NRP2: variants seen among roughly 807,000 people sequenced by gnomAD.
NRP2 encodes neuropilin 2.
A neutral mutation model predicts 110.4 loss-of-function variants in NRP2; 52 were observed. That is an observed-to-expected ratio of 0.47 (90% CI 0.38 to 0.59). The LOEUF (loss-of-function observed/expected upper bound fraction) is 0.59. Ranked by LOEUF, NRP2 falls within the 20% of genes least tolerant of loss-of-function variation. The probability of loss-of-function intolerance (pLI) is 0.00; values close to 1 mark genes in which losing one functional copy is unlikely to be tolerated. For missense variants in NRP2, 1,049 were observed against 1,203.0 expected (o/e 0.87, Z 1.89); for synonymous variants, 508 against 468.9 (o/e 1.08, Z -1.08).
At chr2:205,724,621 G>T (rs2105817551) in intron 5 of NRP2, among the ~76,000 whole-genome samples, 1 of 146,330 alleles carries the variant, frequency 6.8e-6, no homozygotes, top group Middle Eastern at 3.5e-3. Flanking sequence ...TTTCAAATAT[G>T]CTGCCATTTC....
At chr2:205,690,002 G>A (rs1486877116) in intron 1 of NRP2, among the ~76,000 whole-genome samples, 1 of 152,224 alleles carries the variant, frequency 6.6e-6, no homozygotes, top group Non-Finnish European at 1.5e-5. Flanking sequence ...CAAAAGAGAA[G>A]CTCTCGGTAG....
chr2:205,784,842 G>A (rs2058218465), intron 15 of NRP2, among the ~76,000 whole-genome samples: 1 of 152,080 alleles, frequency 6.6e-6, no homozygotes, highest in Admixed American at 6.5e-5. Flanking sequence ...AAAAAGCATG[G>A]GTCAGATTCC....
intron 7 of NRP2, among the ~76,000 whole-genome samples, chr2:205,732,470 C>T (rs1389599210): frequency 2.0e-5 from 3 of 152,226 alleles, no homozygotes. Context: ...TCTTCTTAAA[C>T]AGGGCACCGT....
intron 12 of NRP2, among the ~76,000 whole-genome samples, chr2:205,753,669 G>A (rs1253933323): frequency 3.3e-5 from 5 of 152,186 alleles, no homozygotes; most frequent in African/African-American, 7.2e-5. Flanking sequence ...CTGCTGTTAC[G>A]TGCTTTCACA....
At chr2:205,787,714 GTGTC>G (rs2058250151) in intron 15 of NRP2, among the ~76,000 whole-genome samples, 3 of 78,482 alleles carry the variant, frequency 3.8e-5, no homozygotes, top group African/African-American at 1.4e-4. Flanking sequence ...ATAAAAAAAA[GTGTC>G]TGTGTGTGTG....
chr2:205,741,152 C>T (rs1198703118), intron 8 of NRP2, among the ~76,000 whole-genome samples: 1 of 152,208 alleles, frequency 6.6e-6, no homozygotes, highest in African/African-American at 2.4e-5. Context: ...GCACAACAGA[C>T]TGTTCTGTGT....
In NRP2 at chr2:205,792,228, A is replaced by G; in HGVS notation, c.2426-7A>G. The G allele has an allele frequency of 1.3e-6, 2 of 1,568,140 alleles. No homozygotes were observed. Among genetic ancestry groups the G allele is most frequent in the Non-Finnish European group, 1.8e-6 (2 of 1,138,190 alleles). ...ATTAACTTGTTTTTATTTTCTTTATATTATAGTGGACATCCCAGAAATACA... is the reference window on the plus strand; with the variant it reads ...ATTAACTTGTTTTTATTTTCTTTATGTTATAGTGGACATCCCAGAAATACA... On this transcript the variant is annotated splice_region_variant and splice_polypyrimidine_tract_variant and intron_variant, in intron 15 of 16. Coordinates refer to ENST00000357785, the MANE Select transcript of NRP2 (RefSeq NM_003872.3).
intron 3 of NRP2, among the ~76,000 whole-genome samples, chr2:205,716,765 A>G (rs1382558160): frequency 6.6e-6 from 1 of 152,192 alleles, no homozygotes; most frequent in Non-Finnish European, 1.5e-5. Flanking sequence ...TTGGAACTAC[A>G]TGGGGCTGAG....
intron 10 of NRP2, 121 bp downstream of exon 10, chr2:205,746,011 AC>A: frequency 1.8e-6 from 2 of 1,125,052 alleles, no homozygotes; most frequent in Non-Finnish European, 2.6e-6. Context: ...AATGCTGCAG[AC>A]CCCTGCCATG....
chr2:205,704,513 G>A (rs551846720), intron 2 of NRP2, among the ~76,000 whole-genome samples: 17 of 152,254 alleles, frequency 1.1e-4, no homozygotes, highest in African/African-American at 3.9e-4. Context: ...CCACCTCCAG[G>A]TACGTGGTGG....
At chr2:205,705,087 C>G (rs531187828) in intron 2 of NRP2, among the ~76,000 whole-genome samples, 1 of 151,514 alleles carries the variant, frequency 6.6e-6, no homozygotes, top group South Asian at 2.1e-4. Context: ...TTGTTTTGTC[C>G]TTTTTACTGG....
intron 2 of NRP2, among the ~76,000 whole-genome samples, chr2:205,714,128 T>C (rs1230128177): frequency 6.6e-6 from 1 of 152,184 alleles, no homozygotes; most frequent in African/African-American, 2.4e-5. Flanking sequence ...TGCCAGACTA[T>C]GGACTAACAC....
At chr2:205,737,277 G>A (rs1437803597) in intron 7 of NRP2, among the ~76,000 whole-genome samples, 1 of 152,180 alleles carries the variant, frequency 6.6e-6, no homozygotes, top group East Asian at 1.9e-4. Flanking sequence ...AGGGACAACG[G>A]GTAACTAAAG....
chr2:205,765,680 G>GCCCCACCCACT, intron 14 of NRP2, 110 bp downstream of exon 14: 1 of 927,498 alleles, frequency 1.1e-6, no homozygotes, highest in Non-Finnish European at 1.8e-6. Flanking sequence ...CCCAGTGGGT[G>GCCCCACCCACT]GGGCAGCCAC....
At chr2:205,722,377 G>A in intron 3 of NRP2, 101 bp from the exon 4 acceptor site, 3 of 953,020 alleles carry the variant, frequency 3.1e-6, no homozygotes, top group Admixed American at 3.8e-5. Context: ...AAAACCTCAA[G>A]AGCAGGGGGA....
chr2:205,759,724 G>C (rs2057791251), intron 12 of NRP2: 1 of 152,130 alleles, frequency 6.6e-6, no homozygotes. Context: ...TGGCCTTCCT[G>C]GGTTATTGGT....
rs2056042219 is a variant in NRP2, at chr2:205,682,742, C to T, written c.-549C>T. 6.3e-6 allele frequency: 1 copy of T among 158,490 alleles called. No homozygotes were observed. The highest frequency in any genetic ancestry group is 1.4e-5 in the Non-Finnish European group (1 of 71,774). 9.8% of individuals were successfully genotyped at this position (158,490 alleles called of 1,614,324 possible). A position where few individuals can be genotyped will look rare whatever the true frequency, so the allele number is the denominator to read the frequency against. On this transcript the variant is annotated 5_prime_UTR_variant, in exon 1 of 17. Coordinates refer to ENST00000357785, the MANE Select transcript of NRP2 (RefSeq NM_003872.3). The surrounding 1 kb of genome is among the most constrained non-coding windows in gnomAD (Gnocchi z 4.3). Reference sequence around the variant, plus strand: ...GGGTGTAGCCGTTGGGGGAGGCTCCCGCCGGGGGAACCCGGCGAGGACAAG... The same window carrying T: ...GGGTGTAGCCGTTGGGGGAGGCTCCTGCCGGGGGAACCCGGCGAGGACAAG...
chr2:205,770,248 A>G (rs1443761486), intron 15 of NRP2, among the ~76,000 whole-genome samples: 1 of 152,136 alleles, frequency 6.6e-6, no homozygotes, highest in Non-Finnish European at 1.5e-5. Context: ...ACCATTCCTA[A>G]GGTCCAGGGG....
At chr2:205,786,391 G>A (rs989527298) in intron 15 of NRP2, among the ~76,000 whole-genome samples, 33 of 152,286 alleles carry the variant, frequency 2.2e-4, no homozygotes, top group African/African-American at 7.9e-4. Context: ...GGCCCATGGG[G>A]TTCAGAAACT....
Sources: allele counts gnomAD v4.1 joint callset (sites outside exome capture counted in the v4.1 genomes callset), GRCh38; gene constraint gnomAD v4.1.1; non-coding constraint Gnocchi (gnomAD v3.1); transcripts MANE v1.5; gene names NCBI Gene and HGNC (gene_info 2026-07-23, HGNC 2026-07-21).